Variants in RBFOX3 observed in about 807,000 individuals in gnomAD.
RBFOX3 encodes the protein RNA binding protein fox-1 homolog 3.
RBFOX3 carries 17 observed loss-of-function variants against 48.7 expected under a neutral mutation model. The ratio of observed to expected loss-of-function variants is 0.35; its 90% CI spans 0.24 to 0.52. The LOEUF is 0.52. Ranked by LOEUF, RBFOX3 falls within the 20% of genes least tolerant of loss-of-function variation. The probability of loss-of-function intolerance (pLI) is 0.94; values close to 1 mark genes in which losing one functional copy is unlikely to be tolerated. For missense variants in RBFOX3, 382 were observed against 497.5 expected, an observed-to-expected ratio of 0.77 and a Z score of 2.21; for synonymous variants, 212 against 209.5, an observed-to-expected ratio of 1.01 and a Z score of -0.10.
At chr17:79,126,748 CAA>C (rs966764241) in intron 4 of RBFOX3, among the ~76,000 whole-genome samples, 3 of 152,230 alleles carry the variant, frequency 2.0e-5, no homozygotes, top group African/African-American at 2.4e-5. Flanking sequence ...GCCCGCCAGA[CAA>C]AGTCTCCTCT....
rs2058558895 is a variant in RBFOX3 at position 79,212,875 on chromosome 17, G to T, written c.-34+22891C>A. ...ATGTCACCTCAGCTACAGTGTTTGAGTTGGAGTCTGGCTCTGTTGCCCAGG... is the reference window on the plus strand; with the variant it reads ...ATGTCACCTCAGCTACAGTGTTTGATTTGGAGTCTGGCTCTGTTGCCCAGG... On this transcript the variant is annotated intron_variant, in intron 4 of 14. Coordinates refer to ENST00000693108, the MANE Select transcript of RBFOX3 (RefSeq NM_001350451.2). This position sits in a 1 kb window ranked among gnomAD's most constrained non-coding sequence, Gnocchi z 4.7. Among the ~76,000 whole-genome samples, 3 of 152,192 alleles carry T rather than the reference G, an allele frequency of 2.0e-5. No individual in the cohort carries two copies. The South Asian group carries it at 6.2e-4, about 31-fold the overall frequency.
intron 5 of RBFOX3, among the ~76,000 whole-genome samples, chr17:79,110,150 G>A (rs1024734199): frequency 1.8e-4 from 27 of 148,054 alleles, no homozygotes; most frequent in African/African-American, 2.7e-4. Flanking sequence ...AAAAAAAGCC[G>A]TCTTTGCTTC....
At chr17:79,405,269 G>T (rs1163799646) in intron 2 of RBFOX3, among the ~76,000 whole-genome samples, 1 of 152,108 alleles carries the variant, frequency 6.6e-6, no homozygotes, top group East Asian at 1.9e-4. Flanking sequence ...TCACACATCT[G>T]AGCCCATCTC....
intron 1 of RBFOX3, among the ~76,000 whole-genome samples, chr17:79,555,764 C>G (rs1386259812): frequency 2.0e-5 from 3 of 150,320 alleles, no homozygotes; most frequent in Non-Finnish European, 3.0e-5. Flanking sequence ...GTGGTGATGG[C>G]GATGGTAATG....
intron 2 of RBFOX3, among the ~76,000 whole-genome samples, chr17:79,359,303 A>C (rs1388056430): frequency 6.6e-6 from 1 of 152,242 alleles, no homozygotes; most frequent in Non-Finnish European, 1.5e-5. Context: ...TGAGTTTCAG[A>C]TAAACAACAA....
intron 4 of RBFOX3, among the ~76,000 whole-genome samples, chr17:79,223,152 G>C (rs1158432137): frequency 6.6e-6 from 1 of 152,068 alleles, no homozygotes; most frequent in Non-Finnish European, 1.5e-5. Flanking sequence ...AAGTTCCAGT[G>C]TTTCTGCTCT....
chr17:79,401,413 A>G (rs1039207638), intron 2 of RBFOX3, among the ~76,000 whole-genome samples: 1 of 152,250 alleles, frequency 6.6e-6, no homozygotes, highest in Admixed American at 6.5e-5. Flanking sequence ...CGACTCCTTC[A>G]TGATCCAGGG....
intron 4 of RBFOX3, among the ~76,000 whole-genome samples, chr17:79,188,293 G>C (rs1026215917): frequency 6.6e-6 from 1 of 152,182 alleles, no homozygotes; most frequent in Admixed American, 6.5e-5. Context: ...CCCAGCTGCC[G>C]GGGCCAGCAC....
At chr17:79,109,674 G>C (rs1019608110) in intron 5 of RBFOX3, among the ~76,000 whole-genome samples, 1 of 152,178 alleles carries the variant, frequency 6.6e-6, no homozygotes, top group Non-Finnish European at 1.5e-5. Flanking sequence ...ATGTGCCTGT[G>C]CCCTCTGCTG....
intron 1 of RBFOX3, among the ~76,000 whole-genome samples, chr17:79,559,745 GTAGATGGATGGA>G (rs1370494913): frequency 6.8e-6 from 1 of 147,932 alleles, no homozygotes; most frequent in Non-Finnish European, 1.5e-5. Context: ...GAATGAATGG[GTAGATGGATGGA>G]TGGGTGGATG....
intron 4 of RBFOX3, among the ~76,000 whole-genome samples, chr17:79,208,829 T>C (rs2057921761): frequency 6.6e-6 from 1 of 151,730 alleles, no homozygotes; most frequent in Non-Finnish European, 1.5e-5. Context: ...TTTTTTTTTT[T>C]GTTTGAGACG....
chr17:79,576,683 G>A (rs996063388), intron 1 of RBFOX3, among the ~76,000 whole-genome samples: 5,075 of 151,960 alleles, frequency 0.033, 134 homozygotes, highest in East Asian at 0.14. Context: ...TGGAGAAGGC[G>A]GAGATGATGA....
intron 2 of RBFOX3, among the ~76,000 whole-genome samples, chr17:79,455,202 G>A (rs2074267662): frequency 1.3e-5 from 2 of 152,208 alleles, no homozygotes; most frequent in Admixed American, 6.5e-5. Flanking sequence ...GGAGGAAGCT[G>A]GATGTGCTAC....
intron 2 of RBFOX3, among the ~76,000 whole-genome samples, chr17:79,383,582 C>T (rs942156938): frequency 1.3e-5 from 2 of 152,220 alleles, no homozygotes; most frequent in Admixed American, 1.3e-4. Context: ...TGCCTCCTGC[C>T]CCAACGTGTG....
intron 1 of RBFOX3, chr17:79,598,690 C>G (rs1401404913): frequency 6.6e-6 from 1 of 152,078 alleles, no homozygotes. Context: ...ACGCAGGGAC[C>G]GTGCAAGTAA....
rs142955098 is a variant in RBFOX3, at chr17:79,299,134, G to T, written c.-74+8590C>A. Among the ~76,000 whole-genome samples, 64 of 132,712 alleles carry T rather than the reference G, an allele frequency of 4.8e-4. No individual in the cohort carries two copies. Among genetic ancestry groups the T allele is most frequent in the African/African-American group, 1.7e-3 (58 of 34,844 alleles). The allele number at this position is 132,712 out of a possible 152,430, so 87.1% of individuals were successfully genotyped here. On this transcript the variant is annotated intron_variant, in intron 3 of 14. Coordinates refer to ENST00000693108, the MANE Select transcript of RBFOX3 (RefSeq NM_001350451.2). The surrounding 1 kb of genome is among the most constrained non-coding windows in gnomAD (Gnocchi z 4.5). ...AAATGAACTAATAAATAAGAGGCCA[G>T]GTGTGGTATCTCGGTGCTGGCAAAA...
intron 1 of RBFOX3, among the ~76,000 whole-genome samples, chr17:79,549,548 G>A (rs1401079771): frequency 6.6e-6 from 1 of 152,280 alleles, no homozygotes; most frequent in African/African-American, 2.4e-5. Flanking sequence ...AATGATTTGT[G>A]TCTGTGTCAA....
chr17:79,251,602 A>G (rs1342110437), intron 3 of RBFOX3, among the ~76,000 whole-genome samples: 1 of 152,140 alleles, frequency 6.6e-6, no homozygotes, highest in African/African-American at 2.4e-5. Context: ...ACAAATCCAC[A>G]TGGCTCAGGC....
chr17:79,185,573 C>G (rs1180369172), intron 4 of RBFOX3, among the ~76,000 whole-genome samples: 1 of 152,208 alleles, frequency 6.6e-6, no homozygotes, highest in Non-Finnish European at 1.5e-5. Context: ...GTCACCACTG[C>G]CCTGCTGCAC....
Sources: gnomAD v4.1 joint callset for allele counts (sites outside exome capture counted in the v4.1 genomes callset) on GRCh38, gnomAD v4.1.1 for gene constraint, Gnocchi (gnomAD v3.1) non-coding constraint, MANE v1.5 for transcripts, NCBI Gene and HGNC (gene_info 2026-07-23, HGNC 2026-07-21) for gene names.